SLC16A7: variants seen among roughly 807,000 people sequenced by gnomAD.
SLC16A7 encodes solute carrier family 16 member 7.
SLC16A7 carries 33 observed loss-of-function variants against 34.9 expected under a neutral mutation model. The observed-to-expected ratio is 0.94, with a 90% CI of 0.72 to 1.26. The LOEUF (loss-of-function observed/expected upper bound fraction) is 1.26, where lower values mean the gene tolerates loss of function less well. Among genes scored for constraint, SLC16A7 ranks in the 50% most tolerant of loss-of-function variants. The pLI is 0.00. For synonymous variants in SLC16A7, 201 were observed against 206.6 expected, an observed-to-expected ratio of 0.97 and a Z score of 0.23; for missense variants, 573 against 578.1, an observed-to-expected ratio of 0.99 and a Z score of 0.09.
chr12:59,728,523 C>T (rs746267017), intron 3 of SLC16A7, among the ~76,000 whole-genome samples: 1 of 152,160 alleles, frequency 6.6e-6, no homozygotes, highest in African/African-American at 2.4e-5. Flanking sequence ...AAGAACCTAT[C>T]GTCATCCAGG....
chr12:59,690,539 G>A (rs1286917431), intron 2 of SLC16A7, among the ~76,000 whole-genome samples: 1 of 151,974 alleles, frequency 6.6e-6, no homozygotes, highest in African/African-American at 2.4e-5. Flanking sequence ...AAGAGTGTAG[G>A]AAGGGCCAGT....
In SLC16A7 at chr12:59,783,163, A is replaced by T. The variant is rs1052015713; in HGVS notation, c.*3484A>T. ...AACATTTTTTATCTAAAACACCTTT[A>T]AAAAATCCCTTTCATATGTAGAATG... On this transcript the variant is annotated 3_prime_UTR_variant, in exon 6 of 6. Transcript: ENST00000547379. 1 of 152,176 alleles carries T rather than the reference A, an allele frequency of 6.6e-6. No homozygotes were observed. Among genetic ancestry groups the T allele is most frequent in the Non-Finnish European group, 1.5e-5 (1 of 68,034 alleles). The allele number at this position is 152,176 out of a possible 1,614,324, so 9.4% of individuals were successfully genotyped here.
In SLC16A7 at chr12:59,688,888, G is replaced by A. The variant is rs537618051; in HGVS notation, c.-30-15884G>A. Among the ~76,000 whole-genome samples, 10 of 151,904 alleles carry A rather than the reference G, an allele frequency of 6.6e-5. No individual in the cohort carries two copies. The East Asian group carries it at 1.9e-3, about 29-fold the overall frequency. Reference sequence around the variant, plus strand: ...AGCAGACATAAAAATCAAAATTAGGGCAAATAAGTAAATGTGTAATATTAA... The same window carrying A: ...AGCAGACATAAAAATCAAAATTAGGACAAATAAGTAAATGTGTAATATTAA... On this transcript the variant is annotated intron_variant, in intron 2 of 5. Coordinates refer to ENST00000547379, the MANE Select transcript of SLC16A7 (RefSeq NM_001270623.2).
rs537262757 is a variant in SLC16A7 at position 59,621,657 on chromosome 12, G to C, written c.-130+25421G>C. 1.6e-4 allele frequency among the ~76,000 whole-genome samples: 25 copies of C among 151,774 alleles called. No individual in the cohort carries two copies. In the South Asian group the frequency reaches 4.8e-3, roughly 29 times the overall value. ...ACATAGTTTTGTTTTGAATTTTAAG[G>C]CATACAAACATTATTTTTTAACATT... On this transcript the variant is annotated intron_variant, in intron 1 of 5. Coordinates refer to ENST00000547379, the MANE Select transcript of SLC16A7 (RefSeq NM_001270623.2).
intron 3 of SLC16A7, among the ~76,000 whole-genome samples, chr12:59,748,837 G>A (rs979224034): frequency 6.6e-6 from 1 of 152,172 alleles, no homozygotes; most frequent in African/African-American, 2.4e-5. Context: ...ACTTTAATAT[G>A]ATTTGAGAAC....
chr12:59,768,630 A>G (rs1407227069), intron 3 of SLC16A7, among the ~76,000 whole-genome samples: 1 of 152,186 alleles, frequency 6.6e-6, no homozygotes, highest in East Asian at 1.9e-4. Flanking sequence ...CTGTCAAATG[A>G]CATCGCATGC....
At chr12:59,776,976 C>T (rs1017422444) in intron 5 of SLC16A7, among the ~76,000 whole-genome samples, 3 of 152,064 alleles carry the variant, frequency 2.0e-5, no homozygotes, top group Admixed American at 2.0e-4. Flanking sequence ...AGAGCCTATT[C>T]TTATCCACAC....
At chr12:59,620,589 G>A (rs1879656043) in intron 1 of SLC16A7, among the ~76,000 whole-genome samples, 2 of 151,924 alleles carry the variant, frequency 1.3e-5, no homozygotes, top group Non-Finnish European at 2.9e-5. Context: ...AATGGTGCCT[G>A]TATTTTCATC....
At position 59,599,113 on chromosome 12, in the gene SLC16A7, C is replaced by A. The variant is rs142576907; in HGVS notation, c.-130+2877C>A. On this transcript the variant is annotated intron_variant, in intron 1 of 5. Coordinates refer to ENST00000547379, the MANE Select transcript of SLC16A7 (RefSeq NM_001270623.2). ...GCATGAAGCTAAATAAGAGCAAAGA[C>A]CTTACCTGTTGTTTTCTCCATAGCC... Among the ~76,000 whole-genome samples the A allele has an allele frequency of 5.5e-3, 837 of 152,288 alleles. 6 individuals carry two copies. Among genetic ancestry groups the A allele is most frequent in the Middle Eastern group, 0.02 (6 of 294 alleles).
chr12:59,608,974 C>T (rs888113805), intron 1 of SLC16A7, among the ~76,000 whole-genome samples: 2 of 152,128 alleles, frequency 1.3e-5, no homozygotes, highest in Admixed American at 1.3e-4. Context: ...CATATTTGGT[C>T]AGTTACTTTA....
intron 3 of SLC16A7, among the ~76,000 whole-genome samples, chr12:59,722,823 T>C (rs1716243876): frequency 6.6e-6 from 1 of 151,954 alleles, no homozygotes; most frequent in African/African-American, 2.4e-5. Context: ...TATTTGCTTT[T>C]CATTTGAATA....
chr12:59,713,958 A>G (rs925749835), intron 3 of SLC16A7, among the ~76,000 whole-genome samples: 10 of 152,218 alleles, frequency 6.6e-5, no homozygotes, highest in Non-Finnish European at 1.5e-4. Context: ...ACTTTTCCTT[A>G]TTTCATTACA....
intron 1 of SLC16A7, among the ~76,000 whole-genome samples, chr12:59,602,438 G>A (rs1291663108): frequency 2.2e-5 from 3 of 138,652 alleles, no homozygotes; most frequent in African/African-American, 5.4e-5. Flanking sequence ...CTTTCACCTC[G>A]TATTCAATAT....
intron 1 of SLC16A7, among the ~76,000 whole-genome samples, chr12:59,645,318 G>A (rs1028231210): frequency 6.6e-6 from 1 of 152,268 alleles, no homozygotes; most frequent in East Asian, 1.9e-4. Context: ...TGATATGGTT[G>A]GGCTGTGTCC....
intron 5 of SLC16A7, among the ~76,000 whole-genome samples, chr12:59,779,068 G>A (rs904672752): frequency 1.3e-5 from 2 of 151,996 alleles, no homozygotes; most frequent in African/African-American, 2.4e-5. Context: ...CAATCCTAAC[G>A]TGTGCTGTAA....
chr12:59,744,866 G>T (rs1033128455), intron 3 of SLC16A7, among the ~76,000 whole-genome samples: 1 of 152,114 alleles, frequency 6.6e-6, no homozygotes, highest in Admixed American at 6.5e-5. Flanking sequence ...TCCCTCTTGC[G>T]AGGGGTGAAA....
intron 5 of SLC16A7, among the ~76,000 whole-genome samples, chr12:59,778,412 A>G (rs1316207704): frequency 7.9e-5 from 12 of 152,158 alleles, no homozygotes; most frequent in Non-Finnish European, 1.8e-4. Context: ...ACTAGATTCT[A>G]GGGAGAATGC....
At chr12:59,648,765 A>G (rs1004625157) in intron 1 of SLC16A7, among the ~76,000 whole-genome samples, 1 of 152,180 alleles carries the variant, frequency 6.6e-6, no homozygotes, top group African/African-American at 2.4e-5. Flanking sequence ...TAGAACATCA[A>G]TGTTTAAGCC....
intron 3 of SLC16A7, among the ~76,000 whole-genome samples, chr12:59,731,886 A>G (rs1361795483): frequency 1.3e-5 from 2 of 152,210 alleles, no homozygotes; most frequent in African/African-American, 2.4e-5. Flanking sequence ...GTGACTCCAG[A>G]CAAGTCCTTG....
Sources: gnomAD v4.1 joint callset for allele counts (sites outside exome capture counted in the v4.1 genomes callset) on GRCh38, gnomAD v4.1.1 for gene constraint, MANE v1.5 for transcripts, NCBI Gene and HGNC (gene_info 2026-07-23, HGNC 2026-07-21) for gene names.